UNC5B: variants seen among roughly 807,000 people sequenced by gnomAD.
UNC5B encodes unc-5 netrin receptor B.
UNC5B carries 56 observed loss-of-function variants against 103.7 expected under a neutral mutation model. That is an observed-to-expected ratio of 0.54 (90% CI 0.44 to 0.67). The LOEUF is 0.67. Among genes scored for constraint, UNC5B ranks in the 30% least tolerant of loss-of-function variants. UNC5B has a pLI of 0.00. For missense variants in UNC5B, 1,194 were observed against 1,284.5 expected (o/e 0.93, Z 1.08); for synonymous variants, 577 against 542.0 (o/e 1.06, Z -0.90).
chr10:71,241,424 G>A (rs1843898726), intron 1 of UNC5B, among the ~76,000 whole-genome samples: 1 of 152,180 alleles, frequency 6.6e-6, no homozygotes, highest in Admixed American at 6.5e-5. Context: ...CCACTGCCGC[G>A]TAGCCCTCTC....
chr10:71,253,522 C>G (rs903503240), intron 1 of UNC5B, among the ~76,000 whole-genome samples: 15 of 152,226 alleles, frequency 9.9e-5, no homozygotes, highest in Non-Finnish European at 1.5e-5. Flanking sequence ...CACTGCTCCC[C>G]AGCATTGTTT....
intron 8 of UNC5B, among the ~76,000 whole-genome samples, chr10:71,289,733 G>A (rs192210558): frequency 1.8e-3 from 275 of 152,306 alleles, no homozygotes; most frequent in Non-Finnish European, 3.1e-3. Context: ...AGCCAAGCTG[G>A]GGGAACCATT....
chr10:71,237,032 C>T (rs1353579618), intron 1 of UNC5B, among the ~76,000 whole-genome samples: 1 of 151,038 alleles, frequency 6.6e-6, no homozygotes, highest in African/African-American at 2.4e-5. Flanking sequence ...ATGGGGGCTC[C>T]AGGGTATTCA....
chr10:71,287,381 G>A (rs1166236205), intron 5 of UNC5B, among the ~76,000 whole-genome samples: 2 of 152,204 alleles, frequency 1.3e-5, no homozygotes, highest in African/African-American at 2.4e-5. Context: ...TTACAATGAG[G>A]TGGGGCATAG....
chr10:71,256,065 C>A (rs1405010942), intron 1 of UNC5B, among the ~76,000 whole-genome samples: 1 of 152,144 alleles, frequency 6.6e-6, no homozygotes, highest in African/African-American at 2.4e-5. Flanking sequence ...GTATGAGCAC[C>A]CATTTTACAG....
chr10:71,298,660 A>T (rs1256114342), intron 16 of UNC5B, among the ~76,000 whole-genome samples: 1 of 152,198 alleles, frequency 6.6e-6, no homozygotes, highest in Non-Finnish European at 1.5e-5. Flanking sequence ...ACTAGAAATG[A>T]ATAGGACTTA....
chr10:71,285,214 GC>G, intron 3 of UNC5B, 111 bp from the exon 4 acceptor site: 6 of 1,118,016 alleles, frequency 5.4e-6, no homozygotes, highest in Non-Finnish European at 6.6e-6. Flanking sequence ...GGCCAGGTGG[GC>G]CCATCAACAG....
chr10:71,293,362 CG>C (rs770994323), intron 11 of UNC5B, 42 bp from the exon 12 acceptor site: 6 of 1,568,338 alleles, frequency 3.8e-6, no homozygotes, highest in South Asian at 1.2e-5. Context: ...GCACCTTTGC[CG>C]AGCTCTTCAC....
intron 1 of UNC5B, among the ~76,000 whole-genome samples, chr10:71,245,051 G>A (rs1843995189): frequency 6.6e-6 from 1 of 152,220 alleles, no homozygotes; most frequent in Non-Finnish European, 1.5e-5. Context: ...TTCCCACGAG[G>A]AATCAGAGTT....
At chr10:71,227,611 C>CATATATATACACATACAT (rs1564706914) in intron 1 of UNC5B, among the ~76,000 whole-genome samples, 5,294 of 127,302 alleles carry the variant, frequency 0.042, 466 homozygotes, top group African/African-American at 0.14. Flanking sequence ...TACATATATA[C>CATATATATACACATACAT]ATATATATAC....
chr10:71,230,050 A>G (rs879349189), intron 1 of UNC5B, among the ~76,000 whole-genome samples: 1 of 152,068 alleles, frequency 6.6e-6, no homozygotes, highest in Non-Finnish European at 1.5e-5. Context: ...CCTGACCTAC[A>G]CTGTTATCAT....
In UNC5B at chr10:71,291,757, C is replaced by T. The variant is rs1278400003; in HGVS notation, c.1620C>T (p.Asp540=). 1 of 1,610,168 alleles carries T rather than the reference C, an allele frequency of 6.2e-7. No homozygotes were observed. Among genetic ancestry groups the T allele is most frequent in the Admixed American group, 1.7e-5 (1 of 59,998 alleles). The change falls in exon 10 of 17, where the codon GAC becomes GAT. Residue 540 remains aspartate, a synonymous_variant. Coordinates refer to ENST00000335350, the MANE Select transcript of UNC5B (RefSeq NM_170744.5). The part of the protein sequence containing the change: ...GSQQLLGLPR[D]PGSSVSGTFG... ...AGCAGCTCTTGGGCCTGCCCCGAGA[C>T]CCAGGGAGCAGCGTCAGCGGCACCT...
chr10:71,255,025 T>C (rs1844259003), intron 1 of UNC5B, among the ~76,000 whole-genome samples: 1 of 152,264 alleles, frequency 6.6e-6, no homozygotes, highest in Non-Finnish European at 1.5e-5. Context: ...GTTTGTTTTA[T>C]GATGTCATCA....
At chr10:71,286,256 CCTT>C (rs1276190066) in intron 4 of UNC5B, among the ~76,000 whole-genome samples, 2 of 152,142 alleles carry the variant, frequency 1.3e-5, no homozygotes, top group Admixed American at 1.3e-4. Context: ...GACCCGGGGA[CCTT>C]CTTCGTATCA....
In UNC5B at chr10:71,251,356, T is replaced by C. The variant is rs541611724; in HGVS notation, c.80-28465T>C. On this transcript the variant is annotated intron_variant, in intron 1 of 16. Transcript: ENST00000335350. ...TGTCTTCATGCGGTTTTTAAACTTT[T>C]AAACTTTCACCTTTTGATATAGTAG... 5.3e-5 allele frequency among the ~76,000 whole-genome samples: 8 copies of C among 152,338 alleles called. No homozygotes were observed. The South Asian group carries it at 1.7e-3, about 32-fold the overall frequency.
Position 71,287,668 on chromosome 10 carries a change from G to T in UNC5B, c.804G>T (p.Lys268Asn), listed in dbSNP as rs779830658. 8.7e-6 allele frequency: 14 copies of T among 1,613,178 alleles called. No homozygotes were observed. In the Admixed American group the frequency reaches 2.3e-4, roughly 27 times the overall value. The part of the protein sequence containing the change: ...CSNRCGRGWQ[K>N]RTRTCTNPAP... ...ACCGCTGTGGCCGAGGCTGGCAGAAGCGCACCCGGACCTGCACCAACCCCG... is the reference window on the plus strand; with the variant it reads ...ACCGCTGTGGCCGAGGCTGGCAGAATCGCACCCGGACCTGCACCAACCCCG... Residue 268 changes from lysine (K) to asparagine (N), a missense_variant, in exon 6 of 17, where the codon AAG (lysine) becomes AAT (asparagine). By Grantham distance (94) the Lys-to-Asn change is moderately conservative (BLOSUM62 0). Transcript: ENST00000335350.
chr10:71,296,303 C>T (rs1252454729), intron 14 of UNC5B, among the ~76,000 whole-genome samples: 1 of 152,200 alleles, frequency 6.6e-6, no homozygotes, highest in Admixed American at 6.5e-5. Flanking sequence ...AGCCCGCTGC[C>T]CACCCAGCAG....
intron 1 of UNC5B, among the ~76,000 whole-genome samples, chr10:71,240,911 G>A (rs1489350153): frequency 1.3e-5 from 2 of 152,238 alleles, no homozygotes; most frequent in East Asian, 3.8e-4. Flanking sequence ...CTGCCTGAAG[G>A]GCAAGTTCAG....
intron 1 of UNC5B, among the ~76,000 whole-genome samples, chr10:71,257,797 C>G (rs1345936126): frequency 1.3e-5 from 2 of 152,264 alleles, no homozygotes; most frequent in Non-Finnish European, 2.9e-5. Context: ...TCCCTGGAAT[C>G]ACTGCAGGCT....
Sources: gnomAD v4.1 joint callset for allele counts (sites outside exome capture counted in the v4.1 genomes callset) on GRCh38, gnomAD v4.1.1 for gene constraint, MANE v1.5 for transcripts, NCBI Gene and HGNC (gene_info 2026-07-23, HGNC 2026-07-21) for gene names.